KCNH7: variants seen among roughly 807,000 people sequenced by gnomAD.
KCNH7 encodes voltage-gated inwardly rectifying potassium channel KCNH7.
KCNH7 carries 49 observed loss-of-function variants against 120.8 expected under a neutral mutation model. The observed-to-expected ratio is 0.41, with a 90% CI of 0.32 to 0.51. KCNH7 has a LOEUF of 0.51. Ranked by LOEUF, KCNH7 falls within the 20% of genes least tolerant of loss-of-function variation. KCNH7 has a pLI of 0.38. For synonymous variants in KCNH7, 547 were observed against 516.1 expected, an observed-to-expected ratio of 1.06 and a Z score of -0.81; for missense variants, 1,097 against 1,446.6, an observed-to-expected ratio of 0.76 and a Z score of 3.92.
intron 6 of KCNH7, among the ~76,000 whole-genome samples, chr2:162,470,752 C>A (rs866803532): frequency 6.6e-6 from 1 of 152,180 alleles, no homozygotes; most frequent in South Asian, 2.1e-4. Flanking sequence ...GTGTACCCAA[C>A]GGCTCATTGA....
chr2:162,824,156 A>G (rs1462389814), intron 2 of KCNH7, among the ~76,000 whole-genome samples: 2 of 152,220 alleles, frequency 1.3e-5, no homozygotes, highest in African/African-American at 4.8e-5. Flanking sequence ...AGTATTCTTC[A>G]GAGAAAAATT....
chr2:162,651,550 T>G (rs1159791452), intron 2 of KCNH7, among the ~76,000 whole-genome samples: 2 of 152,214 alleles, frequency 1.3e-5, no homozygotes, highest in Non-Finnish European at 2.9e-5. Flanking sequence ...TTTTAATGGC[T>G]GAATAGTATT....
chr2:162,596,942 A>C (rs1433094124), intron 2 of KCNH7, among the ~76,000 whole-genome samples: 1 of 152,106 alleles, frequency 6.6e-6, no homozygotes. Flanking sequence ...GGCCAACAGG[A>C]ATATCAAAAC....
At chr2:162,640,443 G>A (rs1238352282) in intron 2 of KCNH7, among the ~76,000 whole-genome samples, 1 of 151,820 alleles carries the variant, frequency 6.6e-6, no homozygotes, top group Non-Finnish European at 1.5e-5. Context: ...TGATTCAGTG[G>A]AAGAAGGATA....
At chr2:162,447,235 T>C (rs1353213438) in intron 6 of KCNH7, among the ~76,000 whole-genome samples, 3 of 152,208 alleles carry the variant, frequency 2.0e-5, no homozygotes, top group Admixed American at 2.0e-4. Flanking sequence ...TCAGATAAAC[T>C]AAAACAGTTC....
At chr2:162,391,282 C>T (rs937265420) in intron 12 of KCNH7, among the ~76,000 whole-genome samples, 5 of 152,016 alleles carry the variant, frequency 3.3e-5, no homozygotes, top group Non-Finnish European at 5.9e-5. Flanking sequence ...GTTCTCTGTT[C>T]TTTATATTAT....
Position 162,395,846 on chromosome 2 carries a change from A to G in KCNH7, c.2613+894T>C, listed in dbSNP as rs1043508480. Among the ~76,000 whole-genome samples the G allele has an allele frequency of 1.9e-4, 29 of 151,726 alleles. 1 individual carries two copies. Among genetic ancestry groups the G allele is most frequent in the African/African-American group, 6.8e-4 (28 of 41,390 alleles). On this transcript the variant is annotated intron_variant, in intron 11 of 15. Coordinates refer to ENST00000332142, the MANE Select transcript of KCNH7 (RefSeq NM_033272.4). ...ATGTCTATAACTACAGCAAGTGTTAAATCTACCCCCTCTTACCTAACTATT... is the reference window on the plus strand; with the variant it reads ...ATGTCTATAACTACAGCAAGTGTTAGATCTACCCCCTCTTACCTAACTATT...
intron 2 of KCNH7, among the ~76,000 whole-genome samples, chr2:162,604,357 TA>T (rs550138776): frequency 6.6e-6 from 1 of 151,980 alleles, no homozygotes; most frequent in Non-Finnish European, 1.5e-5. Flanking sequence ...GTTCTAAAAT[TA>T]AAAAAAATTT....
At chr2:162,670,959 CAT>C (rs750135444) in intron 2 of KCNH7, among the ~76,000 whole-genome samples, 5 of 146,186 alleles carry the variant, frequency 3.4e-5, no homozygotes, top group Non-Finnish European at 7.5e-5. Flanking sequence ...GGCCAAGAAA[CAT>C]ATGAAAAAAA....
At chr2:162,416,426 G>T (rs959163951) in intron 9 of KCNH7, among the ~76,000 whole-genome samples, 2 of 150,714 alleles carry the variant, frequency 1.3e-5, no homozygotes, top group African/African-American at 4.9e-5. Flanking sequence ...TAAAATCATA[G>T]TTAGGCTCTG....
chr2:162,740,563 C>T (rs1321011353), intron 2 of KCNH7, among the ~76,000 whole-genome samples: 1 of 152,166 alleles, frequency 6.6e-6, no homozygotes, highest in Non-Finnish European at 1.5e-5. Flanking sequence ...GCACAGAATA[C>T]AGAAAACTTT....
intron 6 of KCNH7, among the ~76,000 whole-genome samples, chr2:162,468,100 C>T (rs1689368804): frequency 6.6e-6 from 1 of 152,022 alleles, no homozygotes; most frequent in South Asian, 2.1e-4. Flanking sequence ...TTTTTTAATG[C>T]CCACTTCTCT....
At chr2:162,674,096 A>AT (rs1175003973) in intron 2 of KCNH7, among the ~76,000 whole-genome samples, 2 of 151,860 alleles carry the variant, frequency 1.3e-5, no homozygotes, top group African/African-American at 4.8e-5. Context: ...AAAAAGAAGA[A>AT]TTTGCAGATG....
intron 2 of KCNH7, among the ~76,000 whole-genome samples, chr2:162,672,677 T>C (rs1685399839): frequency 6.6e-6 from 1 of 152,052 alleles, no homozygotes; most frequent in Non-Finnish European, 1.5e-5. Context: ...TACTGTATGC[T>C]GAGCATTGTT....
At chr2:162,428,987 T>C (rs1687965065) in intron 8 of KCNH7, among the ~76,000 whole-genome samples, 1 of 151,904 alleles carries the variant, frequency 6.6e-6, no homozygotes, top group Admixed American at 6.6e-5. Context: ...TCATTTATAT[T>C]TAATGCAATT....
In KCNH7 at chr2:162,563,441, T is replaced by A. The variant is rs1693143206; in HGVS notation, c.308-26361A>T. On this transcript the variant is annotated intron_variant, in intron 2 of 15. Coordinates refer to ENST00000332142, the MANE Select transcript of KCNH7 (RefSeq NM_033272.4). ...ACATACACACACAGAGGCACACACATCCTTCTCAGTGGTGGTTTTGCTTGC... is the reference window on the plus strand; with the variant it reads ...ACATACACACACAGAGGCACACACAACCTTCTCAGTGGTGGTTTTGCTTGC... Among the ~76,000 whole-genome samples the A allele has an allele frequency of 1.3e-5, 2 of 152,128 alleles. 1 individual carries two copies. Among genetic ancestry groups the A allele is most frequent in the South Asian group, 4.1e-4 (2 of 4,826 alleles).
chr2:162,649,581 C>G (rs1265047723), intron 2 of KCNH7, among the ~76,000 whole-genome samples: 1 of 152,054 alleles, frequency 6.6e-6, no homozygotes, highest in East Asian at 1.9e-4. Context: ...CATGAGATCT[C>G]AATACGACAA....
At chr2:162,681,434 A>C (rs1685706918) in intron 2 of KCNH7, among the ~76,000 whole-genome samples, 1 of 151,746 alleles carries the variant, frequency 6.6e-6, no homozygotes, top group South Asian at 2.1e-4. Flanking sequence ...CGAGGTGTTC[A>C]TTTGTGATAA....
intron 2 of KCNH7, among the ~76,000 whole-genome samples, chr2:162,605,190 G>C (rs1682698029): frequency 6.6e-6 from 1 of 152,056 alleles, no homozygotes; most frequent in East Asian, 1.9e-4. Flanking sequence ...AAGACAGATT[G>C]AAAGTGTGCA....
Sources: allele counts gnomAD v4.1 joint callset (sites outside exome capture counted in the v4.1 genomes callset), GRCh38; gene constraint gnomAD v4.1.1; transcripts MANE v1.5; gene names NCBI Gene and HGNC (gene_info 2026-07-23, HGNC 2026-07-21).